TTC3: variants seen among roughly 807,000 people sequenced by gnomAD.
The protein encoded by TTC3 is E3 ubiquitin-protein ligase TTC3.
Under a neutral mutation model 249.6 loss-of-function variants are expected in TTC3, and 180 were observed. The ratio of observed to expected loss-of-function variants is 0.72; its 90% confidence interval spans 0.64 to 0.82. TTC3 has a LOEUF of 0.82. TTC3 is among the 40% of genes least tolerant of loss of function. The probability of loss-of-function intolerance (pLI) is 0.00; values close to 1 mark genes in which losing one functional copy is unlikely to be tolerated. For missense variants in TTC3, 2,061 were observed against 2,398.4 expected (o/e 0.86, Z 2.94); for synonymous variants, 717 against 805.0 (o/e 0.89, Z 1.85).
At chr21:37,196,948 C>T (rs1016020031) in intron 42 of TTC3, among the ~76,000 whole-genome samples, 5 of 152,190 alleles carry the variant, frequency 3.3e-5, no homozygotes, top group African/African-American at 1.2e-4. Context: ...TCTGCCTCCA[C>T]CTCTGGTTTC....
chr21:37,096,709 T>C, intron 10 of TTC3, 66 bp downstream of exon 10: 11 of 1,303,174 alleles, frequency 8.4e-6, no homozygotes, highest in Non-Finnish European at 1.2e-5. Flanking sequence ...GGGAAACGTT[T>C]CTGTTTTTCA....
At chr21:37,088,674 G>T in intron 4 of TTC3, 125 bp from the exon 5 acceptor site, 1 of 856,560 alleles carries the variant, frequency 1.2e-6, no homozygotes, top group Non-Finnish European at 1.8e-6. Flanking sequence ...CTTAGTTATT[G>T]TTACCTAGAG....
intron 40 of TTC3, among the ~76,000 whole-genome samples, chr21:37,191,710 C>T (rs991668219): frequency 5.3e-5 from 8 of 152,198 alleles, no homozygotes; most frequent in African/African-American, 1.9e-4. Flanking sequence ...CCCCAAGTAG[C>T]TGGGATCACA....
intron 13 of TTC3, among the ~76,000 whole-genome samples, chr21:37,123,732 A>G (rs2835611): frequency 0.12 from 18,764 of 151,938 alleles, 1,288 homozygotes; most frequent in Non-Finnish European, 0.15. Context: ...AATTTAGCAC[A>G]AGGTCATAGG....
intron 21 of TTC3, 110 bp from the exon 22 acceptor site, chr21:37,147,371 G>A (rs1300187682): frequency 9.5e-7 from 1 of 1,047,376 alleles, no homozygotes; most frequent in African/African-American, 1.7e-5. Context: ...AAAAAATTTA[G>A]TCATTCTTAT....
Position 37,118,158 on chromosome 21 carries a change from G to T in TTC3, c.901-3659G>T, listed in dbSNP as rs532001844. ...AAACCAGAAAAGAATGCTTATTAAAGGATAAACTTCAGGAGCAAAAGTAGA... is the reference window on the plus strand; with the variant it reads ...AAACCAGAAAAGAATGCTTATTAAATGATAAACTTCAGGAGCAAAAGTAGA... On this transcript the variant is annotated intron_variant, in intron 11 of 45. Transcript: ENST00000355666. 3.3e-5 allele frequency among the ~76,000 whole-genome samples: 5 copies of T among 151,858 alleles called. No homozygotes were observed. The South Asian group carries it at 1.0e-3, about 32-fold the overall frequency.
chr21:37,130,247 G>A (rs1161657737), intron 16 of TTC3, among the ~76,000 whole-genome samples: 2 of 152,010 alleles, frequency 1.3e-5, no homozygotes, highest in East Asian at 3.9e-4. Flanking sequence ...TACAAAGCAA[G>A]GATATAGCAT....
intron 29 of TTC3, among the ~76,000 whole-genome samples, chr21:37,160,123 G>A (rs1469376743): frequency 1.3e-5 from 2 of 152,246 alleles, no homozygotes; most frequent in Non-Finnish European, 2.9e-5. Flanking sequence ...GTTTTGAGTG[G>A]CTCTAAATTA....
intron 35 of TTC3, among the ~76,000 whole-genome samples, chr21:37,180,934 TAA>T (rs970347526): frequency 6.6e-5 from 10 of 152,116 alleles, no homozygotes; most frequent in East Asian, 3.8e-4. Flanking sequence ...ATAAAAAAGA[TAA>T]GTTTTTTCCT....
chr21:37,148,488 G>C, intron 22 of TTC3, 58 bp from the exon 23 acceptor site: 1 of 844,540 alleles, frequency 1.2e-6, no homozygotes, highest in Non-Finnish European at 1.8e-6. Flanking sequence ...ATGTTGTAGT[G>C]AGTGAGTGTG....
chr21:37,183,761 C>T (rs1368466581), intron 36 of TTC3, among the ~76,000 whole-genome samples: 1 of 152,172 alleles, frequency 6.6e-6, no homozygotes, highest in Non-Finnish European at 1.5e-5. Flanking sequence ...AGACTTCTTA[C>T]ATGGTAGCTA....
chr21:37,090,162 AT>A, intron 5 of TTC3, 70 bp from the exon 6 acceptor site: 7 of 1,228,790 alleles, frequency 5.7e-6, no homozygotes, highest in South Asian at 1.3e-5. Context: ...AATGTAGGCC[AT>A]TTTTCCGTTA....
At chr21:37,135,472 C>G (rs1389249788) in exon 18 of TTC3, 2 of 1,614,032 alleles carry the variant, frequency 1.2e-6, no homozygotes, top group Admixed American at 1.7e-5. Context: ...CTGCACAGGC[C>G]TTTACAGAGT....
chr21:37,134,382 G>A (rs1455882427), intron 17 of TTC3, among the ~76,000 whole-genome samples: 6 of 150,968 alleles, frequency 4.0e-5, no homozygotes, highest in African/African-American at 1.5e-4. Context: ...ACCCCGAGGT[G>A]GAGGTTGCAG....
At chr21:37,130,148 A>G (rs1259828983) in intron 16 of TTC3, among the ~76,000 whole-genome samples, 1 of 152,196 alleles carries the variant, frequency 6.6e-6, no homozygotes, top group African/African-American at 2.4e-5. Flanking sequence ...AGGGGGAATG[A>G]TTTGAATATC....
intron 30 of TTC3, among the ~76,000 whole-genome samples, chr21:37,161,383 T>C (rs1404598798): frequency 6.6e-6 from 1 of 152,152 alleles, no homozygotes; most frequent in Non-Finnish European, 1.5e-5. Context: ...TCAAGTGATC[T>C]TCCCACCTCA....
At chr21:37,147,708 C>A in intron 22 of TTC3, 105 bp downstream of exon 22, 1 of 1,325,068 alleles carries the variant, frequency 7.5e-7, no homozygotes, top group Non-Finnish European at 1.0e-6. Flanking sequence ...GGCTAGTTAG[C>A]AGTCGTCCAC....
chr21:37,084,532 C>T (rs9974286), intron 1 of TTC3, among the ~76,000 whole-genome samples: 69,201 of 151,878 alleles, frequency 0.46, 16,280 homozygotes, highest in Non-Finnish European at 0.52. Flanking sequence ...TAGGTAGTAT[C>T]GTTATCCCCA....
intron 41 of TTC3, among the ~76,000 whole-genome samples, chr21:37,192,437 T>C (rs1203340165): frequency 6.6e-6 from 1 of 151,762 alleles, no homozygotes; most frequent in Non-Finnish European, 1.5e-5. Context: ...CTGAGATGAA[T>C]ACACCATTGC....
Sources: allele counts gnomAD v4.1 joint callset (sites outside exome capture counted in the v4.1 genomes callset), GRCh38; gene constraint gnomAD v4.1.1; transcripts MANE v1.5; gene names NCBI Gene and HGNC (gene_info 2026-07-23, HGNC 2026-07-21).